AGBL4: variants seen among roughly 807,000 people sequenced by gnomAD.
AGBL4 encodes the protein AGBL carboxypeptidase 4.
A neutral mutation model predicts 66.4 loss-of-function variants in AGBL4; 58 were observed. That is an observed-to-expected ratio of 0.87 (90% CI 0.71 to 1.09). The LOEUF is 1.09. AGBL4 is among the 50% of genes least tolerant of loss of function. The probability of loss-of-function intolerance (pLI) is 0.00; values close to 1 mark genes in which losing one functional copy is unlikely to be tolerated. For missense variants in AGBL4, 579 were observed against 631.0 expected, an observed-to-expected ratio of 0.92 and a Z score of 0.88; for synonymous variants, 234 against 222.9, an observed-to-expected ratio of 1.05 and a Z score of -0.44.
chr1:49,894,838 G>A (rs1266164108), intron 1 of AGBL4, among the ~76,000 whole-genome samples: 1 of 151,896 alleles, frequency 6.6e-6, no homozygotes, highest in Non-Finnish European at 1.5e-5. Flanking sequence ...AAGAGAGAGA[G>A]ATGGGTAAAA....
intron 6 of AGBL4, among the ~76,000 whole-genome samples, chr1:48,799,630 G>A (rs1252781163): frequency 6.6e-6 from 1 of 152,066 alleles, no homozygotes; most frequent in African/African-American, 2.4e-5. Flanking sequence ...TTGGCTGTGG[G>A]TTTGTCATAG....
At chr1:49,752,731 C>T (rs182574663) in intron 2 of AGBL4, among the ~76,000 whole-genome samples, 2 of 152,282 alleles carry the variant, frequency 1.3e-5, no homozygotes, top group African/African-American at 2.4e-5. Context: ...AAAAAACTTG[C>T]TTTAAGAATC....
chr1:49,949,743 C>T (rs980479346), intron 1 of AGBL4, among the ~76,000 whole-genome samples: 3 of 151,538 alleles, frequency 2.0e-5, no homozygotes, highest in Non-Finnish European at 2.9e-5. Flanking sequence ...AACACTTCTA[C>T]ACTGCTGGTG....
At chr1:50,020,595 T>C (rs1452723214) in intron 1 of AGBL4, among the ~76,000 whole-genome samples, 1 of 152,180 alleles carries the variant, frequency 6.6e-6, no homozygotes, top group African/African-American at 2.4e-5. Flanking sequence ...TATGATTTCT[T>C]CAGAACGTAG....
At chr1:49,592,611 T>A (rs972399300) in intron 3 of AGBL4, among the ~76,000 whole-genome samples, 1 of 152,054 alleles carries the variant, frequency 6.6e-6, no homozygotes, top group Non-Finnish European at 1.5e-5. Context: ...AAGAAGAGTA[T>A]ACATGTGAAC....
intron 4 of AGBL4, among the ~76,000 whole-genome samples, chr1:49,109,840 C>T (rs1198597780): frequency 1.3e-5 from 2 of 152,110 alleles, no homozygotes; most frequent in Non-Finnish European, 2.9e-5. Flanking sequence ...CAGATTTTAA[C>T]CCCAATACTA....
intron 3 of AGBL4, among the ~76,000 whole-genome samples, chr1:49,413,676 T>C (rs546083624): frequency 3.3e-5 from 5 of 152,220 alleles, no homozygotes; most frequent in Admixed American, 3.3e-4. Context: ...TCAGTAACCC[T>C]GATCATCGCT....
At chr1:49,244,383 A>G (rs1570192057) in intron 4 of AGBL4, among the ~76,000 whole-genome samples, 1 of 151,816 alleles carries the variant, frequency 6.6e-6, no homozygotes, top group South Asian at 2.1e-4. Flanking sequence ...TTGCCCAGAA[A>G]GACTGAGAGA....
intron 3 of AGBL4, among the ~76,000 whole-genome samples, chr1:49,516,191 T>A (rs1475021532): frequency 6.6e-6 from 1 of 151,974 alleles, no homozygotes; most frequent in Non-Finnish European, 1.5e-5. Flanking sequence ...GACAGTGTCC[T>A]TATCTCCAAG....
chr1:49,639,238 C>G (rs1464881129), intron 3 of AGBL4, among the ~76,000 whole-genome samples: 1 of 152,110 alleles, frequency 6.6e-6, no homozygotes, highest in African/African-American at 2.4e-5. Context: ...TCGTGGTAAT[C>G]CATTCTAACA....
chr1:49,918,408 C>A (rs570258268), intron 1 of AGBL4, among the ~76,000 whole-genome samples: 1 of 152,142 alleles, frequency 6.6e-6, no homozygotes, highest in Non-Finnish European at 1.5e-5. Context: ...GGGGATATCA[C>A]CACCGATCCC....
At chr1:49,631,635 C>A (rs1645571012) in intron 3 of AGBL4, among the ~76,000 whole-genome samples, 1 of 152,120 alleles carries the variant, frequency 6.6e-6, no homozygotes, top group African/African-American at 2.4e-5. Flanking sequence ...TGTGACTGAA[C>A]CATTTCCAGA....
chr1:49,572,899 G>A (rs1250275487), intron 3 of AGBL4, among the ~76,000 whole-genome samples: 1 of 152,102 alleles, frequency 6.6e-6, no homozygotes, highest in East Asian at 1.9e-4. Flanking sequence ...TCAGCTGCCA[G>A]TAAACATAAA....
chr1:49,488,218 A>G (rs572020414), intron 3 of AGBL4, among the ~76,000 whole-genome samples: 1 of 151,838 alleles, frequency 6.6e-6, no homozygotes, highest in South Asian at 2.1e-4. Flanking sequence ...CTCTCCCCAG[A>G]AAACCATTCT....
intron 4 of AGBL4, among the ~76,000 whole-genome samples, chr1:49,087,021 T>A (rs1644919755): frequency 6.8e-6 from 1 of 146,244 alleles, no homozygotes; most frequent in African/African-American, 2.6e-5. Context: ...ACCAAGGGCA[T>A]AAGAGAAGGT....
chr1:48,811,865 G>A (rs1424622133), intron 6 of AGBL4, among the ~76,000 whole-genome samples: 2 of 152,154 alleles, frequency 1.3e-5, no homozygotes, highest in East Asian at 3.9e-4. Flanking sequence ...CAGTGTCCAG[G>A]GCATGGCTAT....
At chr1:48,728,440 T>C (rs1647549400) in intron 6 of AGBL4, among the ~76,000 whole-genome samples, 1 of 151,802 alleles carries the variant, frequency 6.6e-6, no homozygotes, top group Non-Finnish European at 1.5e-5. Context: ...TTTTCCATTT[T>C]CAATCTTTTT....
chr1:49,363,068 T>C (rs1037668503), intron 3 of AGBL4, among the ~76,000 whole-genome samples: 1 of 152,056 alleles, frequency 6.6e-6, no homozygotes, highest in Non-Finnish European at 1.5e-5. Flanking sequence ...ATGAAAGCCA[T>C]AGCATATAGA....
At chr1:49,737,894 AAC>A (rs1650032365) in intron 2 of AGBL4, among the ~76,000 whole-genome samples, 1 of 152,250 alleles carries the variant, frequency 6.6e-6, no homozygotes, top group Admixed American at 6.5e-5. Context: ...CAGCATGAGC[AAC>A]ACAGAAGACG....
Sources: allele counts gnomAD v4.1 joint callset (sites outside exome capture counted in the v4.1 genomes callset), GRCh38; gene constraint gnomAD v4.1.1; transcripts MANE v1.5; gene names NCBI Gene and HGNC (gene_info 2026-07-23, HGNC 2026-07-21).